Variants in CHCHD10 observed in about 807,000 individuals in gnomAD.
CHCHD10 encodes the protein coiled-coil-helix-coiled-coil-helix domain-containing protein 10, mitochondrial.
A neutral mutation model predicts 14.8 loss-of-function variants in CHCHD10; 10 were observed. That is an observed-to-expected ratio of 0.67 (90% CI 0.42 to 1.14). CHCHD10 has a LOEUF of 1.14. CHCHD10 is among the 50% of genes most tolerant of loss of function. CHCHD10 has a pLI of 0.00. For missense variants in CHCHD10, 203 were observed against 196.9 expected (o/e 1.03, Z -0.19); for synonymous variants, 90 against 85.2 (o/e 1.06, Z -0.31).
Position 23,766,051 on chromosome 22 carries a change from C to T in CHCHD10, c.410-25G>A, listed in dbSNP as rs183564385. ...CCTGGGAAGGGAGGGGCAGCACAGG[C>T]TGGTGGTCAGCCTGCAGGTGCAAGA... is the stretch of plus-strand genomic sequence containing the variant. On this transcript the variant is annotated intron_variant, in intron 3 of 3. Transcript: ENST00000484558. 2.1e-4 allele frequency: 335 copies of T among 1,613,526 alleles called. 1 individual carries two copies. The East Asian group carries it at 6.3e-3, about 30-fold the overall frequency.
chr22:23,767,964 G>T lies in CHCHD10; in HGVS notation c.-90C>A. 3.4e-6 allele frequency: 4 copies of T among 1,176,134 alleles called. No individual in the cohort carries two copies. Among genetic ancestry groups the T allele is most frequent in the East Asian group, 3.1e-5 (1 of 31,814 alleles). 72.9% of individuals were successfully genotyped at this position (1,176,134 alleles called of 1,614,324 possible). On this transcript the variant is annotated 5_prime_UTR_variant, in exon 1 of 4. Coordinates refer to ENST00000484558, the MANE Select transcript of CHCHD10 (RefSeq NM_213720.3). ...TGCCGCAGCGCTTGTCACAGCCGGCGCAAAAAAGGCGGGGCCCCGGGCGGG... is the reference window on the plus strand; with the variant it reads ...TGCCGCAGCGCTTGTCACAGCCGGCTCAAAAAAGGCGGGGCCCCGGGCGGG...
Position 23,766,268 on chromosome 22 carries a change from G to C in CHCHD10, c.269C>G (p.Thr90Ser). ...CTGCAGGGGCTGGGGGGCAGCGGGG[G>C]TGGGGGCCTGGGGGTACAGTGCAAG... is the stretch of plus-strand genomic sequence containing the variant. The part of the protein sequence containing the change: ...PSQPAVQQAP[T>S]PAAPQPLQMG... The change falls in exon 3 of 4, where the codon ACC becomes AGC. Residue 90 changes from threonine to serine, a missense_variant. Thr to Ser is a moderately conservative substitution (Grantham distance 58). Coordinates refer to ENST00000484558, the MANE Select transcript of CHCHD10 (RefSeq NM_213720.3). 1 of 1,506,346 alleles carries C rather than the reference G, an allele frequency of 6.6e-7. No individual in the cohort carries two copies. Among genetic ancestry groups the C allele is most frequent in the Middle Eastern group, 2.4e-4 (1 of 4,244 alleles). 93.3% of individuals were successfully genotyped at this position (1,506,346 alleles called of 1,614,324 possible).
At chr22:23,766,951 C>A (rs565510436) in intron 2 of CHCHD10, among the ~76,000 whole-genome samples, 68 of 152,328 alleles carry the variant, frequency 4.5e-4, no homozygotes, top group African/African-American at 1.4e-3. Flanking sequence ...CGGTGGGGTT[C>A]CTAGCAGGGG....
chr22:23,767,782 G>C, intron 1 of CHCHD10, 52 bp downstream of exon 1: 1 of 1,446,776 alleles, frequency 6.9e-7, no homozygotes, highest in Non-Finnish European at 9.4e-7. Flanking sequence ...CCTTAGGGGA[G>C]TGCCCACACT....
chr22:23,767,579 G>T lies in CHCHD10; in HGVS notation c.56C>A (p.Pro19His). The change falls in exon 2 of 4, where the codon CCC (proline) becomes CAC (histidine). Residue 19 changes from proline to histidine, a missense_variant. By Grantham distance (77) the Pro-to-His change is moderately conservative. Coordinates refer to ENST00000484558, the MANE Select transcript of CHCHD10 (RefSeq NM_213720.3). ...ASRPASRPAA[P>H]SAHPPAHPPP... ...TGGGTGCGCGGGCGGGTGGGCAGAG[G>T]GCGCGGCTGGGCGGCTGCGGGGGTG... 7.9e-7 allele frequency: 1 copy of T among 1,271,764 alleles called. No homozygotes were observed. The highest frequency in any genetic ancestry group is 1.0e-6 in the Non-Finnish European group (1 of 982,174). The allele number at this position is 1,271,764 out of a possible 1,614,324, so 78.8% of individuals were successfully genotyped here.
At chr22:23,767,648 C>G in intron 1 of CHCHD10, 55 bp from the exon 2 acceptor site, 3 of 884,892 alleles carry the variant, frequency 3.4e-6, no homozygotes, top group Non-Finnish European at 4.9e-6. Context: ...GGCTGGAGGG[C>G]TGCAGCTCCT....
chr22:23,766,390 G>T, intron 2 of CHCHD10, 115 bp from the exon 3 acceptor site: 1 of 881,148 alleles, frequency 1.1e-6, no homozygotes, highest in East Asian at 2.7e-5. Context: ...TGTCCCAAGG[G>T]TCCTAGGCAG....
rs1012710245 is a variant in CHCHD10, at chr22:23,767,962, G to T, written c.-88C>A. On this transcript the variant is annotated 5_prime_UTR_variant, in exon 1 of 4. Coordinates refer to ENST00000484558, the MANE Select transcript of CHCHD10 (RefSeq NM_213720.3). ...AATGCCGCAGCGCTTGTCACAGCCG[G>T]CGCAAAAAAGGCGGGGCCCCGGGCG... 8.4e-6 allele frequency: 10 copies of T among 1,194,148 alleles called. No homozygotes were observed. In the South Asian group the frequency reaches 1.8e-4, roughly 22 times the overall value. The allele number at this position is 1,194,148 out of a possible 1,614,324, so 74.0% of individuals were successfully genotyped here. A position where few individuals can be genotyped will look rare whatever the true frequency, so the allele number is the denominator to read the frequency against.
At position 23,767,446 on chromosome 22, in the gene CHCHD10, G is replaced by T; in HGVS notation, c.189C>A (p.His63Gln). 1.2e-6 allele frequency: 2 copies of T among 1,603,716 alleles called. No homozygotes were observed. Among genetic ancestry groups the T allele is most frequent in the Non-Finnish European group, 1.7e-6 (2 of 1,176,970 alleles). ...CTCCGGTCAGGGCGCTGCCCATGAC[G>T]TGTCCCACAGCCGAGCCCACGGCTA... is the stretch of plus-strand genomic sequence containing the variant. Reference protein sequence around the residue: ...AGVAVGSAVGHVMGSALTGAF... With the variant: ...AGVAVGSAVGQVMGSALTGAF... The change falls in exon 2 of 4, where the codon CAC (histidine) becomes CAA (glutamine). Residue 63 changes from histidine (H) to glutamine (Q), a missense_variant. Coordinates refer to ENST00000484558, the MANE Select transcript of CHCHD10 (RefSeq NM_213720.3).
At chr22:23,767,739 G>A in intron 1 of CHCHD10, 95 bp downstream of exon 1, 3 of 1,158,096 alleles carry the variant, frequency 2.6e-6, no homozygotes, top group East Asian at 3.0e-5. Flanking sequence ...CGCCAAGATG[G>A]CGCAGCAGCA....
At position 23,766,008 on chromosome 22, in the gene CHCHD10, C is replaced by T; in HGVS notation, c.428G>A (p.Ter143=). 6.2e-7 allele frequency: 1 copy of T among 1,613,604 alleles called. No individual in the cohort carries two copies. Among genetic ancestry groups the T allele is most frequent in the Non-Finnish European group, 8.5e-7 (1 of 1,179,842 alleles). The change falls in exon 4 of 4, where the codon TGA becomes TAA. Residue 143 remains the stop codon, a stop_retained_variant. Coordinates refer to ENST00000484558, the MANE Select transcript of CHCHD10 (RefSeq NM_213720.3). ...KYYHGLSSLP[*] is the part of the protein sequence containing the mutation. ...GCCCCCGAGTCTGCACCGACCTCTT[C>T]AGGGCAGGGAGCTCAGACCTGGGAA...
chr22:23,766,075 G>A, intron 3 of CHCHD10, 49 bp from the exon 4 acceptor site: 1 of 1,612,928 alleles, frequency 6.2e-7, no homozygotes, highest in Non-Finnish European at 8.5e-7. Context: ...GCAGGTGCAA[G>A]AGGAGGGTTG....
In CHCHD10 at chr22:23,767,854, G is replaced by A. The variant is rs984321947; in HGVS notation, c.21C>T (p.Ser7=). MPRGSR[S]AASRPASRPA... is the part of the protein sequence containing the mutation. Reference sequence around the variant, plus strand: ...CACACCTGGCTGGCCGGGAGGCCGCGCTGCGGCTTCCCCGAGGCATGGTGG... The same window carrying A: ...CACACCTGGCTGGCCGGGAGGCCGCACTGCGGCTTCCCCGAGGCATGGTGG... The change falls in exon 1 of 4, where the codon AGC becomes AGT. Residue 7 remains serine, a synonymous_variant. Transcript: ENST00000484558. 6.6e-7 allele frequency: 1 copy of A among 1,518,782 alleles called. No homozygotes were observed. The highest frequency in any genetic ancestry group is 2.1e-5 in the Admixed American group (1 of 46,736). 94.1% of individuals were successfully genotyped at this position (1,518,782 alleles called of 1,614,324 possible). A position where few individuals can be genotyped will look rare whatever the true frequency, so the allele number is the denominator to read the frequency against.
Position 23,766,291 on chromosome 22 carries a change from A to G in CHCHD10, c.262-16T>C. Reference sequence around the variant, plus strand: ...GGGTGGGGGCCTGGGGGTACAGTGCAAGAGGCTGCAGGATCAGCTTGGAGT... The same window carrying G: ...GGGTGGGGGCCTGGGGGTACAGTGCGAGAGGCTGCAGGATCAGCTTGGAGT... On this transcript the variant is annotated splice_polypyrimidine_tract_variant and intron_variant, in intron 2 of 3. Transcript: ENST00000484558. 1 of 1,542,078 alleles carries G rather than the reference A, an allele frequency of 6.5e-7. No homozygotes were observed. Among genetic ancestry groups the G allele is most frequent in the East Asian group, 2.4e-5 (1 of 40,828 alleles).
intron 2 of CHCHD10, 83 bp from the exon 3 acceptor site, chr22:23,766,358 C>A: frequency 7.9e-7 from 1 of 1,272,174 alleles, no homozygotes; most frequent in African/African-American, 1.5e-5. Flanking sequence ...CCACCTGCCC[C>A]TCCCCACATC....
At chr22:23,766,448 TG>T in intron 2 of CHCHD10, 173 bp from the exon 3 acceptor site, 1 of 530,802 alleles carries the variant, frequency 1.9e-6, no homozygotes, top group South Asian at 2.3e-5. Flanking sequence ...ATGTTTCTGC[TG>T]CCTTTTTTTT....
At chr22:23,766,510 C>T (rs1157135873) in intron 2 of CHCHD10, 5 of 482,980 alleles carry the variant, frequency 1.0e-5, no homozygotes, top group Admixed American at 3.8e-5. Context: ...TGGAGTGCAG[C>T]GGCGCAGTCT....
intron 3 of CHCHD10, 32 bp downstream of exon 3, chr22:23,766,096 C>A (rs761770581): frequency 2.5e-6 from 4 of 1,613,370 alleles, no homozygotes; most frequent in Admixed American, 1.7e-5. Context: ...GCCTCTCCCC[C>A]TCCCCGCCTG....
chr22:23,766,095 C>G, intron 3 of CHCHD10, 33 bp downstream of exon 3: 1 of 1,613,284 alleles, frequency 6.2e-7, no homozygotes. Context: ...GGCCTCTCCC[C>G]CTCCCCGCCT....
Sources: gnomAD v4.1 joint callset for allele counts (sites outside exome capture counted in the v4.1 genomes callset) on GRCh38, gnomAD v4.1.1 for gene constraint, MANE v1.5 for transcripts, NCBI Gene and HGNC (gene_info 2026-07-23, HGNC 2026-07-21) for gene names.